LMNTD1: variants seen among roughly 807,000 people sequenced by gnomAD.
LMNTD1 encodes lamin tail domain-containing protein 1.
In LMNTD1, 35 loss-of-function variants were observed where a neutral mutation model predicts 50.9. The observed-to-expected ratio is 0.69, with a 90% CI of 0.53 to 0.91. The LOEUF is 0.91. LMNTD1 is among the 40% of genes least tolerant of loss of function. The pLI is 0.00. For synonymous variants in LMNTD1, 153 were observed against 161.9 expected (o/e 0.94, Z 0.42); for missense variants, 470 against 475.5 (o/e 0.99, Z 0.11).
chr12:25,478,165 G>T (rs1938332411), intron 9 of LMNTD1, among the ~76,000 whole-genome samples: 1 of 151,938 alleles, frequency 6.6e-6, no homozygotes, highest in Non-Finnish European at 1.5e-5. Context: ...ACATACCCAG[G>T]ATCAATACTT....
intron 1 of LMNTD1, among the ~76,000 whole-genome samples, chr12:25,588,690 G>C (rs1945612589): frequency 1.3e-5 from 2 of 152,068 alleles, no homozygotes; most frequent in African/African-American, 4.8e-5. Flanking sequence ...TTTATTTCTT[G>C]TCTTAGGTTG....
At chr12:25,477,573 T>C (rs530866577) in intron 9 of LMNTD1, among the ~76,000 whole-genome samples, 9 of 152,176 alleles carry the variant, frequency 5.9e-5, no homozygotes, top group African/African-American at 1.9e-4. Context: ...TAGACAAGTT[T>C]GGAAAAGCTG....
At chr12:25,532,897 T>G (rs116981077) in intron 4 of LMNTD1, among the ~76,000 whole-genome samples, 2,263 of 152,244 alleles carry the variant, frequency 0.015, 48 homozygotes, top group Middle Eastern at 0.027. Context: ...TTTTTCAGAC[T>G]TGCTTTTTCT....
intron 1 of LMNTD1, among the ~76,000 whole-genome samples, chr12:25,601,296 G>T (rs1396608085): frequency 6.6e-6 from 1 of 151,886 alleles, no homozygotes; most frequent in African/African-American, 2.4e-5. Context: ...GTTACCAGAG[G>T]CTGGGAAGGG....
At chr12:25,530,096 G>A (rs1318462474) in intron 4 of LMNTD1, among the ~76,000 whole-genome samples, 1 of 152,070 alleles carries the variant, frequency 6.6e-6, no homozygotes. Flanking sequence ...TGATTATAGT[G>A]CAGTTGCACA....
chr12:25,536,399 T>C (rs1360914996), intron 4 of LMNTD1, among the ~76,000 whole-genome samples: 2 of 152,136 alleles, frequency 1.3e-5, no homozygotes, highest in South Asian at 2.1e-4. Context: ...GGAATTTAAT[T>C]AGAAATCAAT....
Position 25,518,851 on chromosome 12 carries a change from C to T in LMNTD1, c.1133G>A (p.Gly378Glu), listed in dbSNP as rs1198823618. 2.5e-6 allele frequency: 4 copies of T among 1,613,952 alleles called. No homozygotes were observed. Among genetic ancestry groups the T allele is most frequent in the Admixed American group, 3.3e-5 (2 of 59,990 alleles). ...CCTGGGCTGTCTATCCAATCTGCCTCCAGCGGTGGATGTATTGTGTGGTTC... is the reference window on the plus strand; with the variant it reads ...CCTGGGCTGTCTATCCAATCTGCCTTCAGCGGTGGATGTATTGTGTGGTTC... ...LIEPHNTSTA[G>E]GRLDRQPRTR... Residue 378 changes from glycine (G) to glutamate (E), a missense_variant, in exon 8 of 10, where the codon GGA (glycine) becomes GAA (glutamate). Physicochemically the swap from Gly to Glu is moderately conservative, Grantham distance 98. Coordinates refer to ENST00000458174, the MANE Select transcript of LMNTD1 (RefSeq NM_001145728.2).
rs913237869 is a variant in LMNTD1 at position 25,559,377 on chromosome 12, G to A, written c.59-12823C>T. On this transcript the variant is annotated intron_variant, in intron 1 of 7. Coordinates refer to the LMNTD1 transcript ENST00000445693. ...ACGTCCCTTCAAAGGACATGAACTCGTCCTTTGTTATGGCTGCATAGTATT... is the reference window on the plus strand; with the variant it reads ...ACGTCCCTTCAAAGGACATGAACTCATCCTTTGTTATGGCTGCATAGTATT... Among the ~76,000 whole-genome samples the A allele has an allele frequency of 5.9e-5, 9 of 152,114 alleles. No individual in the cohort carries two copies. The East Asian group carries it at 7.7e-4, about 13-fold the overall frequency.
chr12:25,640,078 A>G (rs1946919719), intron 1 of LMNTD1, among the ~76,000 whole-genome samples: 2 of 152,372 alleles, frequency 1.3e-5, no homozygotes, highest in South Asian at 4.1e-4. Flanking sequence ...ATTTATATGA[A>G]AAGTCCAAAT....
At chr12:25,620,673 AG>A (rs779198228) in intron 1 of LMNTD1, among the ~76,000 whole-genome samples, 2 of 152,080 alleles carry the variant, frequency 1.3e-5, no homozygotes, top group Non-Finnish European at 2.9e-5. Flanking sequence ...TTCTTTCCTT[AG>A]GTTGAACTTG....
chr12:25,579,484 T>C (rs1373667185), intron 1 of LMNTD1, among the ~76,000 whole-genome samples: 1 of 152,120 alleles, frequency 6.6e-6, no homozygotes, highest in African/African-American at 2.4e-5. Context: ...CAATCCCCCA[T>C]GGATACCAAA....
At chr12:25,597,044 A>G (rs964097190) in intron 1 of LMNTD1, among the ~76,000 whole-genome samples, 14 of 152,054 alleles carry the variant, frequency 9.2e-5, no homozygotes, top group African/African-American at 3.4e-4. Context: ...TACTCTCAAA[A>G]CAAAAAACAG....
At chr12:25,496,759 G>A (rs1338615032) in intron 9 of LMNTD1, among the ~76,000 whole-genome samples, 1 of 152,150 alleles carries the variant, frequency 6.6e-6, no homozygotes, top group Admixed American at 6.5e-5. Context: ...GTACAATTCA[G>A]TGGCATTAAG....
chr12:25,627,477 T>C (rs117344698), intron 1 of LMNTD1, among the ~76,000 whole-genome samples: 3,025 of 152,298 alleles, frequency 0.02, 35 homozygotes, highest in Non-Finnish European at 0.029. Flanking sequence ...ATGCCCTGAA[T>C]GTCCTTCAGG....
intron 9 of LMNTD1, chr12:25,502,931 A>G (rs1011537985): frequency 6.6e-6 from 1 of 152,282 alleles, no homozygotes; most frequent in Non-Finnish European, 1.5e-5. Context: ...AGTAGGCTGT[A>G]TGGAGTAGTA....
At chr12:25,489,469 C>A (rs1426798203) in intron 9 of LMNTD1, among the ~76,000 whole-genome samples, 1 of 147,842 alleles carries the variant, frequency 6.8e-6, no homozygotes, top group Non-Finnish European at 1.5e-5. Context: ...TGAGGCAATG[C>A]CTCGCCCTGC....
At chr12:25,644,011 G>C (rs1174413107) in intron 1 of LMNTD1, among the ~76,000 whole-genome samples, 1 of 152,188 alleles carries the variant, frequency 6.6e-6, no homozygotes. Flanking sequence ...ATATGGGAAA[G>C]CGTTCATCAT....
chr12:25,490,182 A>G (rs1201874461), intron 9 of LMNTD1, among the ~76,000 whole-genome samples: 4 of 152,204 alleles, frequency 2.6e-5, no homozygotes, highest in African/African-American at 4.8e-5. Context: ...AGCAAGAAAT[A>G]AGCAAGCAAA....
chr12:25,533,075 T>C (rs1321233760), intron 4 of LMNTD1, among the ~76,000 whole-genome samples: 1 of 152,210 alleles, frequency 6.6e-6, no homozygotes, highest in Non-Finnish European at 1.5e-5. Context: ...CAAATTTTTA[T>C]TTTATGCATA....
Sources: gnomAD v4.1 joint callset for allele counts (sites outside exome capture counted in the v4.1 genomes callset) on GRCh38, gnomAD v4.1.1 for gene constraint, MANE v1.5 for transcripts, NCBI Gene and HGNC (gene_info 2026-07-23, HGNC 2026-07-21) for gene names.